DMD: variants seen among roughly 807,000 people sequenced by gnomAD.
The protein encoded by DMD is mutant dystrophin.
Under a neutral mutation model 330.1 loss-of-function variants are expected in DMD, and 63 were observed. The observed-to-expected ratio is 0.19, with a 90% CI of 0.16 to 0.24. The LOEUF is 0.24. Ranked by LOEUF, DMD falls within the 10% of genes least tolerant of loss-of-function variation. DMD has a pLI of 1.00. For synonymous variants in DMD, 1,223 were observed against 959.8 expected, an observed-to-expected ratio of 1.27 and a Z score of -5.07; for missense variants, 3,344 against 2,684.1, an observed-to-expected ratio of 1.25 and a Z score of -5.43.
At chrX:32,010,686 A>C (rs907685648) in intron 44 of DMD, among the ~76,000 whole-genome samples, 1 of 111,669 alleles carries the variant, frequency 9.0e-6, no homozygotes, top group Non-Finnish European at 1.9e-5. Context: ...ATATCCTTGA[A>C]AGCAGTCTCT....
At chrX:32,335,623 TA>T (rs2097703698) in intron 41 of DMD, among the ~76,000 whole-genome samples, 1 of 15,994 alleles carries the variant, frequency 6.3e-5, no homozygotes, top group Admixed American at 9.1e-4. Context: ...ACAAACATGT[TA>T]TATACATAAC....
At chrX:32,424,880 A>C (rs2098205212) in intron 29 of DMD, among the ~76,000 whole-genome samples, 1 of 111,665 alleles carries the variant, frequency 9.0e-6, no homozygotes, top group Non-Finnish European at 1.9e-5. Flanking sequence ...TATAGTTGGA[A>C]GAAGATACTT....
At chrX:31,551,180 G>GAAAAAAAAAA (rs202051079) in intron 55 of DMD, among the ~76,000 whole-genome samples, 29 of 67,349 alleles carry the variant, frequency 4.3e-4, no homozygotes, top group African/African-American at 8.4e-4. Context: ...CTCCATCTCG[G>GAAAAAAAAAA]GAAAAAAAAA....
At chrX:32,021,197 A>G (rs972295881) in intron 44 of DMD, among the ~76,000 whole-genome samples, 9 of 112,346 alleles carry the variant, frequency 8.0e-5, no homozygotes, top group African/African-American at 2.9e-4. Context: ...ACATTGTGTT[A>G]TATACATACA....
intron 66 of DMD, 93 bp from the exon 67 acceptor site, chrX:31,204,211 T>A (rs756988735): frequency 5.1e-6 from 4 of 790,147 alleles, no homozygotes; most frequent in Non-Finnish European, 7.6e-6. Context: ...GTAGCAATTC[T>A]CAAGAGTAGC....
chrX:32,651,200 T>C (rs1165925202), intron 9 of DMD, among the ~76,000 whole-genome samples: 1 of 110,247 alleles, frequency 9.1e-6, no homozygotes, highest in Non-Finnish European at 1.9e-5. Flanking sequence ...TGGAGTGCAA[T>C]GGTGGGATCT....
At chrX:31,209,152 C>T (rs762948489) in intron 65 of DMD, among the ~76,000 whole-genome samples, 2 of 111,238 alleles carry the variant, frequency 1.8e-5, no homozygotes, top group East Asian at 5.6e-4. Context: ...ACAGCCATGG[C>T]CGCCAGTGAG....
Position 31,311,628 on chromosome X carries a change from C to T in DMD, c.9224+11970G>A, listed in dbSNP as rs137855363. On this transcript the variant is annotated intron_variant, in intron 62 of 78. Coordinates refer to ENST00000357033, the MANE Select transcript of DMD (RefSeq NM_004006.3). ...TTTGCTTAGAATTGTCTTGGCTATACGGGGTCTTCTTTGATTCCACATGAA... is the reference window on the plus strand; with the variant it reads ...TTTGCTTAGAATTGTCTTGGCTATATGGGGTCTTCTTTGATTCCACATGAA... Among the ~76,000 whole-genome samples the T allele has an allele frequency of 6.7e-3, 739 of 111,056 alleles. 10 individuals carry two copies. The highest frequency in any genetic ancestry group is 0.023 in the African/African-American group (688 of 30,488).
At chrX:33,330,258 G>C (rs181969286) in intron 1 of DMD, among the ~76,000 whole-genome samples, 62 of 111,134 alleles carry the variant, frequency 5.6e-4, no homozygotes, top group African/African-American at 1.9e-3. Context: ...TTCCTAGGAG[G>C]AGTTGGGTGT....
At chrX:32,044,515 A>G (rs765227909) in intron 44 of DMD, among the ~76,000 whole-genome samples, 28 of 110,189 alleles carry the variant, frequency 2.5e-4, no homozygotes, top group African/African-American at 6.3e-4. Context: ...TCTGCATCCC[A>G]GGTTCACGCC....
intron 44 of DMD, among the ~76,000 whole-genome samples, chrX:32,189,892 T>A (rs894618942): frequency 4.5e-5 from 5 of 111,362 alleles, no homozygotes; most frequent in Non-Finnish European, 9.4e-5. Flanking sequence ...ACATTTTTTT[T>A]ATTATACTTT....
chrX:33,212,347 G>A (rs1226434731), upstream of DMD, among the ~76,000 whole-genome samples: 2 of 111,893 alleles, frequency 1.8e-5, no homozygotes, highest in Non-Finnish European at 3.8e-5. Flanking sequence ...TGTATTAAGT[G>A]AATACAGTTG....
chrX:33,099,248 G>GTA (rs1168701729), intron 1 of DMD, among the ~76,000 whole-genome samples: 2 of 111,371 alleles, frequency 1.8e-5, no homozygotes, highest in Admixed American at 1.9e-4. Flanking sequence ...GTAAGTGGCT[G>GTA]TATTTCTTTT....
intron 44 of DMD, among the ~76,000 whole-genome samples, chrX:32,063,961 A>G (rs1041767488): frequency 9.0e-6 from 1 of 111,257 alleles, no homozygotes; most frequent in African/African-American, 3.2e-5. Flanking sequence ...AGATGTTTGG[A>G]CTGAATATAT....
intron 30 of DMD, among the ~76,000 whole-genome samples, chrX:32,407,202 G>A (rs1272648421): frequency 9.0e-6 from 1 of 111,190 alleles, no homozygotes; most frequent in Non-Finnish European, 1.9e-5. Context: ...TACAGAATGG[G>A]AGAAGATTTT....
intron 49 of DMD, among the ~76,000 whole-genome samples, chrX:31,826,349 T>C (rs2092895473): frequency 8.9e-6 from 1 of 112,602 alleles, no homozygotes; most frequent in Non-Finnish European, 1.9e-5. Context: ...CAATCTTTTA[T>C]AATTATTAGC....
At chrX:32,399,727 C>A (rs978078200) in intron 30 of DMD, among the ~76,000 whole-genome samples, 1 of 111,627 alleles carries the variant, frequency 9.0e-6, no homozygotes, top group South Asian at 3.8e-4. Context: ...AATCCCACTG[C>A]TGTGTATATA....
chrX:32,500,608 C>T (rs1245683637), intron 19 of DMD, among the ~76,000 whole-genome samples: 1 of 111,418 alleles, frequency 9.0e-6, no homozygotes, highest in Non-Finnish European at 1.9e-5. Context: ...ATTTTTAGAT[C>T]ACATAATTTT....
At chrX:32,262,214 G>T (rs756357511) in intron 43 of DMD, among the ~76,000 whole-genome samples, 1 of 111,912 alleles carries the variant, frequency 8.9e-6, no homozygotes, top group Non-Finnish European at 1.9e-5. Flanking sequence ...TTCACAAAAT[G>T]AAAGTTAGTA....
Sources: allele counts gnomAD v4.1 joint callset (sites outside exome capture counted in the v4.1 genomes callset), GRCh38; gene constraint gnomAD v4.1.1; transcripts MANE v1.5; gene names NCBI Gene and HGNC (gene_info 2026-07-23, HGNC 2026-07-21).